MRRF: variants seen among roughly 807,000 people sequenced by gnomAD.
MRRF encodes ribosome-recycling factor, mitochondrial.
Under a neutral mutation model 25.1 loss-of-function variants are expected in MRRF, and 18 were observed. That is an observed-to-expected ratio of 0.72 (90% CI 0.50 to 1.06). MRRF has a LOEUF of 1.06. MRRF is among the 50% of genes least tolerant of loss of function. The probability of loss-of-function intolerance (pLI) is 0.00; values close to 1 mark genes in which losing one functional copy is unlikely to be tolerated. For synonymous variants in MRRF, 113 were observed against 112.1 expected (o/e 1.01, Z -0.05); for missense variants, 323 against 319.3 (o/e 1.01, Z -0.09).
intron 5 of MRRF, among the ~76,000 whole-genome samples, chr9:122,310,720 G>A (rs1164181173): frequency 6.6e-6 from 1 of 152,182 alleles, no homozygotes; most frequent in African/African-American, 2.4e-5. Context: ...GAGCGTAGGA[G>A]GCTCAGTCAG....
intron 4 of MRRF, chr9:122,285,694 T>C: frequency 9.0e-7 from 1 of 1,114,746 alleles, no homozygotes; most frequent in Non-Finnish European, 1.2e-6. Flanking sequence ...ACGATTTTTA[T>C]TTCCAGAAGA....
rs145127844 is a variant in MRRF at position 122,270,952 on chromosome 9, G to C, written c.61G>C (p.Ala21Pro). 1.2e-6 allele frequency: 2 copies of C among 1,614,056 alleles called. No individual in the cohort carries two copies. The highest frequency in any genetic ancestry group is 4.5e-5 in the East Asian group (2 of 44,886). The stretch of plus-strand genomic sequence containing the variant: ...CCCTACCTTTCGCAATTATCTTGCA[G>C]CCTCTATCAGACCCGTTTCAGAAGT... The part of the protein sequence containing the change: ...VHPTFRNYLA[A>P]SIRPVSEVTL... Residue 21 changes from alanine to proline, a missense_variant, in exon 2 of 7, where the codon GCC (alanine) becomes CCC (proline). Coordinates refer to ENST00000344641, the MANE Select transcript of MRRF (RefSeq NM_138777.5).
intron 5 of MRRF, among the ~76,000 whole-genome samples, chr9:122,312,482 C>T (rs1476400526): frequency 1.3e-5 from 2 of 152,158 alleles, no homozygotes; most frequent in South Asian, 4.1e-4. Context: ...AACAGCTGCT[C>T]ATCACTATTC....
intron 4 of MRRF, among the ~76,000 whole-genome samples, chr9:122,289,842 A>C (rs1833644352): frequency 6.6e-6 from 1 of 151,950 alleles, no homozygotes; most frequent in Admixed American, 6.6e-5. Flanking sequence ...AGCTTGGGCA[A>C]CATGGTGAGA....
chr9:122,291,608 C>A, intron 4 of MRRF, 141 bp from the exon 5 acceptor site: 2 of 714,902 alleles, frequency 2.8e-6, no homozygotes, highest in South Asian at 3.1e-5. Context: ...CACTCTACAC[C>A]AATGTAACTT....
At chr9:122,300,610 A>G (rs1182162318) in intron 5 of MRRF, among the ~76,000 whole-genome samples, 2 of 152,162 alleles carry the variant, frequency 1.3e-5, no homozygotes, top group Non-Finnish European at 2.9e-5. Context: ...AGTAAAACTA[A>G]TAAGTAATAT....
chr9:122,296,354 A>G (rs1405563803), intron 5 of MRRF, among the ~76,000 whole-genome samples: 3 of 152,188 alleles, frequency 2.0e-5, no homozygotes, highest in Non-Finnish European at 4.4e-5. Context: ...TTTCCAATTC[A>G]TGTAATTACA....
chr9:122,306,710 T>C (rs1278159666), intron 5 of MRRF, among the ~76,000 whole-genome samples: 2 of 152,222 alleles, frequency 1.3e-5, no homozygotes, highest in Non-Finnish European at 2.9e-5. Context: ...GCAAGAGTTA[T>C]GTCTACTCAC....
intron 1 of MRRF, chr9:122,265,805 C>A: frequency 7.9e-7 from 1 of 1,270,340 alleles, no homozygotes; most frequent in Non-Finnish European, 1.0e-6. Context: ...ATCCAGATCT[C>A]TTAACTCTTA....
At chr9:122,304,146 CA>C (rs1228162145) in intron 5 of MRRF, among the ~76,000 whole-genome samples, 1 of 151,924 alleles carries the variant, frequency 6.6e-6, no homozygotes, top group Non-Finnish European at 1.5e-5. Flanking sequence ...ATGAATGCCT[CA>C]TGACCTGACT....
chr9:122,308,773 G>A (rs1254851316), intron 5 of MRRF, among the ~76,000 whole-genome samples: 2 of 151,546 alleles, frequency 1.3e-5, no homozygotes, highest in African/African-American at 4.9e-5. Context: ...CATAATCATG[G>A]CTCATTGCAG....
chr9:122,282,821 T>G (rs1015263644), intron 3 of MRRF, among the ~76,000 whole-genome samples: 3 of 152,266 alleles, frequency 2.0e-5, no homozygotes, highest in South Asian at 4.1e-4. Flanking sequence ...ACAAGATTAC[T>G]GAGATTAGAT....
rs778885823 is a variant in MRRF, at chr9:122,270,931, A to G, written c.40A>G (p.Thr14Ala). 4 of 1,614,020 alleles carry G rather than the reference A, an allele frequency of 2.5e-6. No individual in the cohort carries two copies. The highest frequency in any genetic ancestry group is 3.4e-6 in the Non-Finnish European group (4 of 1,180,024). Reference sequence around the variant, plus strand: ...AAAGTGCTTCCGCATGGTCCACCCTACCTTTCGCAATTATCTTGCAGCCTC... The same window carrying G: ...AAAGTGCTTCCGCATGGTCCACCCTGCCTTTCGCAATTATCTTGCAGCCTC... ...GLKCFRMVHP[T>A]FRNYLAASIR... The change falls in exon 2 of 7, where the codon ACC becomes GCC. Residue 14 changes from threonine (T) to alanine (A), a missense_variant. By Grantham distance (58) the Thr-to-Ala change is moderately conservative. Coordinates refer to ENST00000344641, the MANE Select transcript of MRRF (RefSeq NM_138777.5).
intron 4 of MRRF, chr9:122,286,134 CTG>C: frequency 7.9e-7 from 1 of 1,266,282 alleles, no homozygotes; most frequent in Non-Finnish European, 1.0e-6. Context: ...GCTTCACTCT[CTG>C]GGCCTCCATT....
chr9:122,304,414 G>A (rs967607465), intron 5 of MRRF, among the ~76,000 whole-genome samples: 1 of 152,208 alleles, frequency 6.6e-6, no homozygotes, highest in Non-Finnish European at 1.5e-5. Context: ...CAGGTCCCAA[G>A]TGTGTGGAAT....
intron 5 of MRRF, among the ~76,000 whole-genome samples, chr9:122,300,530 G>C (rs187174419): frequency 3.9e-5 from 6 of 152,282 alleles, no homozygotes; most frequent in African/African-American, 1.4e-4. Context: ...CTTTATCTTA[G>C]AGTATTTGTT....
intron 6 of MRRF, among the ~76,000 whole-genome samples, chr9:122,321,273 A>G (rs2119016739): frequency 6.6e-6 from 1 of 152,340 alleles, no homozygotes; most frequent in South Asian, 2.1e-4. Flanking sequence ...CTTCAATTCA[A>G]GGATAATGTG....
chr9:122,289,217 A>C (rs1179175538), intron 4 of MRRF, among the ~76,000 whole-genome samples: 1 of 152,216 alleles, frequency 6.6e-6, no homozygotes, highest in African/African-American at 2.4e-5. Context: ...GTATAAAATA[A>C]GATTTTGAGC....
At chr9:122,313,564 G>A (rs7040817) in intron 6 of MRRF, among the ~76,000 whole-genome samples, 178 bp downstream of exon 6, 1,869 of 152,292 alleles carry the variant, frequency 0.012, 16 homozygotes, top group Non-Finnish European at 0.021. Flanking sequence ...ATCCATAGAG[G>A]AGGATAAGAC....
Sources: gnomAD v4.1 joint callset for allele counts (sites outside exome capture counted in the v4.1 genomes callset) on GRCh38, gnomAD v4.1.1 for gene constraint, MANE v1.5 for transcripts, NCBI Gene and HGNC (gene_info 2026-07-23, HGNC 2026-07-21) for gene names.